UBE3C: variants seen among roughly 807,000 people sequenced by gnomAD.
UBE3C encodes the protein ubiquitin-protein ligase E3C.
In UBE3C, 42 loss-of-function variants were observed where a neutral mutation model predicts 129.4. The observed-to-expected ratio is 0.32, with a 90% CI of 0.25 to 0.42. The LOEUF (loss-of-function observed/expected upper bound fraction) is 0.42, where lower values mean the gene tolerates loss of function less well. Among genes scored for constraint, UBE3C ranks in the 10% least tolerant of loss-of-function variants. The pLI is 1.00. For synonymous variants in UBE3C, 510 were observed against 492.4 expected (o/e 1.04, Z -0.47); for missense variants, 1,049 against 1,319.1 (o/e 0.80, Z 3.17).
At chr7:157,192,600 A>G (rs1809000803) in intron 10 of UBE3C, 3 of 765,404 alleles carry the variant, frequency 3.9e-6, no homozygotes, top group Non-Finnish European at 7.2e-6. Flanking sequence ...TGGTGCTAAG[A>G]AAAGGAAGGA....
At chr7:157,251,838 A>T (rs1430935316) in intron 19 of UBE3C, among the ~76,000 whole-genome samples, 1 of 150,482 alleles carries the variant, frequency 6.6e-6, no homozygotes, top group African/African-American at 2.5e-5. Context: ...GTAACCGTTT[A>T]AAAGTTATTA....
intron 13 of UBE3C, among the ~76,000 whole-genome samples, chr7:157,213,197 A>G (rs1302309066): frequency 1.3e-5 from 2 of 152,264 alleles, no homozygotes; most frequent in South Asian, 2.1e-4. Flanking sequence ...ACATAATGCT[A>G]TTGTATTTCA....
rs1365662785 is a variant in UBE3C at position 157,262,260 on chromosome 7, G to A, written c.3081+5216G>A. Reference sequence around the variant, plus strand: ...CTAACATTTTTATGAGAGATTTAAAGGAGCAAATAAACTATAATTAGAAAA... The same window carrying A: ...CTAACATTTTTATGAGAGATTTAAAAGAGCAAATAAACTATAATTAGAAAA... On this transcript the variant is annotated intron_variant, in intron 22 of 22. Transcript: ENST00000348165. Among the ~76,000 whole-genome samples the A allele has an allele frequency of 4.0e-5, 6 of 151,344 alleles. No homozygotes were observed. The East Asian group carries it at 1.2e-3, about 29-fold the overall frequency.
intron 1 of UBE3C, among the ~76,000 whole-genome samples, chr7:157,149,380 T>C (rs1191289013): frequency 1.3e-5 from 2 of 152,148 alleles, no homozygotes; most frequent in African/African-American, 4.8e-5. Flanking sequence ...TTTTTAAAAA[T>C]AGAAACCAAG....
At chr7:157,218,758 G>C (rs940745330) in intron 14 of UBE3C, among the ~76,000 whole-genome samples, 10 of 152,146 alleles carry the variant, frequency 6.6e-5, no homozygotes, top group Non-Finnish European at 1.5e-4. Context: ...GAGCGAGGAA[G>C]CTATTGCAGG....
At chr7:157,200,138 A>C (rs113615538) in intron 10 of UBE3C, among the ~76,000 whole-genome samples, 1 of 152,170 alleles carries the variant, frequency 6.6e-6, no homozygotes, top group African/African-American at 2.4e-5. Flanking sequence ...TTTAGCCTAC[A>C]TGACATTGGA....
chr7:157,211,167 G>GGAAAGAGAGAGAGAGA (rs1554431119), intron 13 of UBE3C, among the ~76,000 whole-genome samples: 1 of 137,082 alleles, frequency 7.3e-6, no homozygotes, highest in Non-Finnish European at 1.5e-5. Flanking sequence ...CCATATGTCT[G>GGAAAGAGAGAGAGAGA]GAGAGAGAGA....
In UBE3C at chr7:157,247,039, T is replaced by C. The variant is rs1796495612; in HGVS notation, c.2482-1329T>C. On this transcript the variant is annotated intron_variant, in intron 18 of 22. Transcript: ENST00000348165. ...CCAAGTAGCTGGGATTATAGGCATA[T>C]GCCACCACACGTAGCTAATTTTTTT... Among the ~76,000 whole-genome samples, 4 of 152,116 alleles carry C rather than the reference T, an allele frequency of 2.6e-5. No homozygotes were observed. The South Asian group carries it at 8.3e-4, about 31-fold the overall frequency.
intron 4 of UBE3C, 25 bp downstream of exon 4, chr7:157,170,475 T>C (rs752326861): frequency 1.3e-6 from 2 of 1,504,112 alleles, no homozygotes; most frequent in South Asian, 2.7e-5. Flanking sequence ...CATTTTCACT[T>C]GTCCTCGTTT....
Position 157,267,828 on chromosome 7 carries a change from A to G in UBE3C, c.*73A>G, listed in dbSNP as rs1797122145. ...TCAGCAGCGCCTCCCCAGACCCACGAGGATACTCACACTGCACGCCTGAGG... is the reference window on the plus strand; with the variant it reads ...TCAGCAGCGCCTCCCCAGACCCACGGGGATACTCACACTGCACGCCTGAGG... On this transcript the variant is annotated 3_prime_UTR_variant, in exon 23 of 23. Transcript: ENST00000348165. 1 of 1,374,146 alleles carries G rather than the reference A, an allele frequency of 7.3e-7. No individual in the cohort carries two copies. The highest frequency in any genetic ancestry group is 1.5e-5 in the African/African-American group (1 of 67,550). The allele number at this position is 1,374,146 out of a possible 1,614,324, so 85.1% of individuals were successfully genotyped here. A position where few individuals can be genotyped will look rare whatever the true frequency, so the allele number is the denominator to read the frequency against.
intron 1 of UBE3C, among the ~76,000 whole-genome samples, chr7:157,140,869 CTT>C (rs1395666554): frequency 3.9e-5 from 6 of 152,152 alleles, no homozygotes; most frequent in Admixed American, 2.6e-4. Flanking sequence ...AAACAAAACT[CTT>C]TTTATTGAGG....
Position 157,207,680 on chromosome 7 carries a change from G to C in UBE3C, c.1577-23G>C. 3 of 1,603,384 alleles carry C rather than the reference G, an allele frequency of 1.9e-6. No homozygotes were observed. In the African/African-American group the frequency reaches 4.0e-5, roughly 22 times the overall value. On this transcript the variant is annotated intron_variant, in intron 12 of 22. Transcript: ENST00000348165. ...TTAAAAGATGGAAAAAGAAACAATA[G>C]AAAACTGGATTGTGTTTTTTAGTTG... is the stretch of plus-strand genomic sequence containing the variant.
chr7:157,246,217 C>T (rs562482485), intron 18 of UBE3C, among the ~76,000 whole-genome samples: 95 of 144,216 alleles, frequency 6.6e-4, no homozygotes, highest in Middle Eastern at 7.2e-3. Flanking sequence ...TTTAAGGATG[C>T]GCATTTTATA....
intron 6 of UBE3C, among the ~76,000 whole-genome samples, chr7:157,179,567 G>A (rs1393744770): frequency 1.3e-5 from 2 of 152,154 alleles, no homozygotes. Flanking sequence ...CTTTGGTCTC[G>A]ACATCCTCAT....
intron 13 of UBE3C, among the ~76,000 whole-genome samples, chr7:157,213,945 T>G (rs892960384): frequency 3.9e-5 from 6 of 152,346 alleles, no homozygotes; most frequent in African/African-American, 1.2e-4. Flanking sequence ...ATACTTCTAC[T>G]AAAAATGTAT....
chr7:157,262,281 GA>G (rs530707082), intron 22 of UBE3C, among the ~76,000 whole-genome samples: 169 of 145,054 alleles, frequency 1.2e-3, no homozygotes, highest in African/African-American at 7.6e-4. Context: ...ACTATAATTA[GA>G]AAAAAAAAGA....
chr7:157,205,123 G>C (rs1290593179), intron 11 of UBE3C, among the ~76,000 whole-genome samples: 1 of 152,222 alleles, frequency 6.6e-6, no homozygotes, highest in African/African-American at 2.4e-5. Context: ...GTTTTCAGAG[G>C]AATATTTGAG....
intron 18 of UBE3C, among the ~76,000 whole-genome samples, chr7:157,247,854 CTG>C (rs943443512): frequency 2.8e-4 from 42 of 152,174 alleles, no homozygotes; most frequent in African/African-American, 9.7e-4. Flanking sequence ...CCCCCCAAAA[CTG>C]TGCTCAAATC....
chr7:157,196,790 G>A (rs1003469101), intron 10 of UBE3C, among the ~76,000 whole-genome samples: 8 of 152,098 alleles, frequency 5.3e-5, no homozygotes, highest in African/African-American at 1.9e-4. Flanking sequence ...CCAACAAGGA[G>A]AAACCCCGTC....
Sources: allele counts gnomAD v4.1 joint callset (sites outside exome capture counted in the v4.1 genomes callset), GRCh38; gene constraint gnomAD v4.1.1; transcripts MANE v1.5; gene names NCBI Gene and HGNC (gene_info 2026-07-23, HGNC 2026-07-21).